The following DCAF8L2 variants were observed in gnomAD, a reference collection of about 807,000 sequenced individuals.
The protein encoded by DCAF8L2 is DDB1 and CUL4 associated factor 8 like 2.
For missense variants in DCAF8L2, 430 were observed against 490.7 expected (o/e 0.88, Z 1.17); for synonymous variants, 200 against 190.9 (o/e 1.05, Z -0.39).
the DCAF8L2 span, among the ~76,000 whole-genome samples, chrX:27,541,131 A>C: frequency 9.0e-6 from 1 of 111,171 alleles, no homozygotes; most frequent in Non-Finnish European, 1.9e-5. Flanking sequence ...AGTTTATTTA[A>C]TGTGTATACA....
intron 1 of DCAF8L2, among the ~76,000 whole-genome samples, chrX:27,592,162 G>A (rs1926121480): frequency 8.9e-6 from 1 of 112,037 alleles, no homozygotes; most frequent in African/African-American, 3.2e-5. Context: ...CCCCGTCCAG[G>A]GCTGAGTGAG....
At chrX:27,471,442 G>A in the DCAF8L2 span, among the ~76,000 whole-genome samples, 5 of 111,012 alleles carry the variant, frequency 4.5e-5, no homozygotes, top group African/African-American at 9.8e-5. Flanking sequence ...AGGCCCCACC[G>A]CCTCACCCCA....
chrX:27,726,116 A>AT (rs1204919609), intron 4 of DCAF8L2, among the ~76,000 whole-genome samples: 2 of 111,483 alleles, frequency 1.8e-5, no homozygotes, highest in African/African-American at 6.5e-5. Flanking sequence ...GCCACTTATT[A>AT]TTCAGGTTTC....
the DCAF8L2 span, among the ~76,000 whole-genome samples, chrX:27,502,337 T>A: frequency 0.063 from 1,095 of 17,382 alleles, 9 homozygotes; most frequent in Non-Finnish European, 0.077. Context: ...AAAAAAAAAA[T>A]ATATATATAT....
the DCAF8L2 span, among the ~76,000 whole-genome samples, chrX:27,525,921 G>C: frequency 3.6e-5 from 4 of 111,886 alleles, no homozygotes; most frequent in Admixed American, 3.8e-4. Flanking sequence ...GCTTCCCTTT[G>C]TGGGTAACCC....
chrX:27,503,965 C>G, the DCAF8L2 span, among the ~76,000 whole-genome samples: 3 of 112,010 alleles, frequency 2.7e-5, no homozygotes, highest in African/African-American at 3.2e-5. Flanking sequence ...TGATGACATT[C>G]TCTTCTTTAT....
chrX:27,738,931 GC>G (rs1602805207), intron 4 of DCAF8L2, among the ~76,000 whole-genome samples: 1 of 110,664 alleles, frequency 9.0e-6, no homozygotes. Flanking sequence ...CTGCCTCCAT[GC>G]CAAATATTTC....
At chrX:27,475,388 T>C in the DCAF8L2 span, among the ~76,000 whole-genome samples, 1 of 112,247 alleles carries the variant, frequency 8.9e-6, no homozygotes, top group Non-Finnish European at 1.9e-5. Flanking sequence ...TATTTGAAGA[T>C]ATTTACATGT....
chrX:27,601,654 C>T (rs987776258), intron 1 of DCAF8L2, among the ~76,000 whole-genome samples: 2 of 107,678 alleles, frequency 1.9e-5, no homozygotes, highest in African/African-American at 3.4e-5. Flanking sequence ...GAGCAGAGAC[C>T]GTGCCACTGC....
intron 1 of DCAF8L2, among the ~76,000 whole-genome samples, chrX:27,607,193 A>G (rs950802970): frequency 1.8e-5 from 2 of 112,008 alleles, no homozygotes; most frequent in African/African-American, 6.5e-5. Flanking sequence ...TTTGCTTACT[A>G]TGCTGTTTAT....
the DCAF8L2 span, among the ~76,000 whole-genome samples, chrX:27,513,252 T>G: frequency 1.3e-4 from 15 of 111,733 alleles, no homozygotes; most frequent in Non-Finnish European, 2.6e-4. Context: ...TGGGATTACA[T>G]CAAACTAAAA....
At position 27,693,050 on chromosome X, in the gene DCAF8L2, A is replaced by G. The variant is rs5926858; in HGVS notation, c.-143+15138A>G. Among the ~76,000 whole-genome samples the G allele has an allele frequency of 7.2e-5, 8 of 111,242 alleles. No homozygotes were observed. The South Asian group carries it at 3.0e-3, about 41-fold the overall frequency. ...AACAATTATTTTAACCACATTACTG[A>G]TTAATTCGCGTGTGAATTATATTAT... On this transcript the variant is annotated intron_variant, in intron 3 of 4. Coordinates refer to ENST00000451261, the MANE Select transcript of DCAF8L2 (RefSeq NM_001353450.2).
chrX:27,642,048 C>T (rs779704186), intron 2 of DCAF8L2, among the ~76,000 whole-genome samples: 1 of 108,102 alleles, frequency 9.3e-6, no homozygotes, highest in Admixed American at 1.0e-4. Context: ...GCCACCATGC[C>T]GGGATAATTT....
intron 2 of DCAF8L2, among the ~76,000 whole-genome samples, chrX:27,661,148 G>A (rs1205505175): frequency 8.9e-6 from 1 of 111,859 alleles, no homozygotes; most frequent in Non-Finnish European, 1.9e-5. Context: ...GCAGCTCTCT[G>A]TAATAGGCTT....
chrX:27,643,895 G>A (rs1418598598), intron 2 of DCAF8L2, among the ~76,000 whole-genome samples: 1 of 111,685 alleles, frequency 9.0e-6, no homozygotes, highest in African/African-American at 3.3e-5. Context: ...CTAATATAGT[G>A]TTCCAAAACT....
the DCAF8L2 span, among the ~76,000 whole-genome samples, chrX:27,525,002 T>C: frequency 8.9e-6 from 1 of 112,233 alleles, no homozygotes; most frequent in East Asian, 2.8e-4. Flanking sequence ...AGAATGTATA[T>C]TCTGTTGGTT....
chrX:27,686,160 A>T (rs764708396), intron 3 of DCAF8L2, among the ~76,000 whole-genome samples: 1 of 111,402 alleles, frequency 9.0e-6, no homozygotes, highest in African/African-American at 3.3e-5. Flanking sequence ...TAAAGCCATC[A>T]TGAAAAACAG....
intron 2 of DCAF8L2, among the ~76,000 whole-genome samples, chrX:27,640,611 C>T (rs1046494470): frequency 9.0e-6 from 1 of 111,479 alleles, no homozygotes; most frequent in Non-Finnish European, 1.9e-5. Context: ...AGTGGGATTT[C>T]TGGGTCATGT....
intron 4 of DCAF8L2, among the ~76,000 whole-genome samples, chrX:27,724,691 C>T (rs1932012027): frequency 9.0e-6 from 1 of 111,102 alleles, no homozygotes; most frequent in Non-Finnish European, 1.9e-5. Flanking sequence ...AAGATGTAAG[C>T]ACATTCAATT....
Sources: gnomAD v4.1 joint callset for allele counts (sites outside exome capture counted in the v4.1 genomes callset) on GRCh38, gnomAD v4.1.1 for gene constraint, MANE v1.5 for transcripts, NCBI Gene and HGNC (gene_info 2026-07-23, HGNC 2026-07-21) for gene names.